The following MAN1A1 variants were observed in gnomAD, a reference collection of about 807,000 sequenced individuals.
MAN1A1 encodes mannosidase alpha class 1A member 1, also known as mannosyl-oligosaccharide 1,2-alpha-mannosidase IA.
MAN1A1 carries 29 observed loss-of-function variants against 70.8 expected under a neutral mutation model. The observed-to-expected ratio is 0.41, with a 90% CI of 0.31 to 0.56. The LOEUF (loss-of-function observed/expected upper bound fraction) is 0.56, where lower values mean the gene tolerates loss of function less well. Ranked by LOEUF, MAN1A1 falls within the 20% of genes least tolerant of loss-of-function variation. The probability of loss-of-function intolerance (pLI) is 0.29; values close to 1 mark genes in which losing one functional copy is unlikely to be tolerated. For missense variants in MAN1A1, 747 were observed against 841.3 expected (o/e 0.89, Z 1.39); for synonymous variants, 349 against 330.1 (o/e 1.06, Z -0.62).
intron 5 of MAN1A1, among the ~76,000 whole-genome samples, chr6:119,269,916 C>T (rs1263435687): frequency 6.6e-6 from 1 of 152,228 alleles, no homozygotes; most frequent in Non-Finnish European, 1.5e-5. Flanking sequence ...CTGCCTCAGC[C>T]TCTCAAGTAG....
At chr6:119,331,244 T>G (rs1441904033) in intron 2 of MAN1A1, among the ~76,000 whole-genome samples, 1 of 152,214 alleles carries the variant, frequency 6.6e-6, no homozygotes, top group Non-Finnish European at 1.5e-5. Flanking sequence ...AACAATATAT[T>G]ATTTTGACTC....
chr6:119,207,881 C>T (rs763710856), intron 6 of MAN1A1, among the ~76,000 whole-genome samples: 11 of 152,124 alleles, frequency 7.2e-5, no homozygotes, highest in African/African-American at 2.2e-4. Context: ...GGGCCAAAAA[C>T]GAATTTTATC....
intron 7 of MAN1A1, among the ~76,000 whole-genome samples, chr6:119,202,272 T>A (rs1039553833): frequency 1.3e-5 from 2 of 152,206 alleles, no homozygotes; most frequent in Admixed American, 6.5e-5. Flanking sequence ...CTTTTTAAAC[T>A]TTTTGTTAAA....
At chr6:119,245,555 C>T (rs892349677) in intron 6 of MAN1A1, among the ~76,000 whole-genome samples, 1 of 152,092 alleles carries the variant, frequency 6.6e-6, no homozygotes, top group African/African-American at 2.4e-5. Context: ...ACAGCTGATT[C>T]AAGGAGTGTA....
intron 6 of MAN1A1, among the ~76,000 whole-genome samples, chr6:119,215,439 T>C (rs1443576435): frequency 3.9e-5 from 6 of 152,118 alleles, no homozygotes; most frequent in Admixed American, 3.9e-4. Context: ...ACTGGTAATG[T>C]GATAAGAAGA....
At chr6:119,263,875 T>C (rs980819) in intron 5 of MAN1A1, among the ~76,000 whole-genome samples, 2 of 152,236 alleles carry the variant, frequency 1.3e-5, no homozygotes, top group Non-Finnish European at 1.5e-5. Flanking sequence ...AAACCTCGAA[T>C]AGTTTAACAC....
chr6:119,251,273 CG>C (rs1473707121), intron 5 of MAN1A1, among the ~76,000 whole-genome samples: 1 of 152,122 alleles, frequency 6.6e-6, no homozygotes, highest in South Asian at 2.1e-4. Context: ...TGTCTAACAT[CG>C]GGTCAAATCT....
At chr6:119,341,266 C>T (rs929941691) in intron 2 of MAN1A1, among the ~76,000 whole-genome samples, 4 of 152,122 alleles carry the variant, frequency 2.6e-5, no homozygotes, top group Non-Finnish European at 4.4e-5. Flanking sequence ...CTTTCTTAGG[C>T]AATCCCCTAC....
rs900315290 is a variant in MAN1A1 at position 119,189,900 on chromosome 6, T to C, written c.1327-17A>G. The C allele has an allele frequency of 5.7e-6, 9 of 1,576,228 alleles. No homozygotes were observed. The highest frequency in any genetic ancestry group is 7.8e-6 in the Non-Finnish European group (9 of 1,147,760). On this transcript the variant is annotated splice_polypyrimidine_tract_variant and intron_variant, in intron 9 of 12. Coordinates refer to ENST00000368468, the MANE Select transcript of MAN1A1 (RefSeq NM_005907.4). ...CTCGATAGCCTGTGAAAAACACTTATTTTTTAACATTTTGTAATCTCTTCT... is the reference window on the plus strand; with the variant it reads ...CTCGATAGCCTGTGAAAAACACTTACTTTTTAACATTTTGTAATCTCTTCT...
At chr6:119,261,466 G>A (rs141725346) in intron 5 of MAN1A1, among the ~76,000 whole-genome samples, 148 of 152,286 alleles carry the variant, frequency 9.7e-4, no homozygotes, top group Middle Eastern at 3.4e-3. Flanking sequence ...CTTGGGATAC[G>A]TAAGTAAACA....
At chr6:119,204,019 C>CA (rs1773789282) in intron 7 of MAN1A1, among the ~76,000 whole-genome samples, 1 of 151,858 alleles carries the variant, frequency 6.6e-6, no homozygotes, top group Admixed American at 6.5e-5. Flanking sequence ...GAGGAGGACA[C>CA]AAAAAAGACA....
chr6:119,316,514 C>T (rs1772859544), intron 2 of MAN1A1, among the ~76,000 whole-genome samples: 1 of 152,038 alleles, frequency 6.6e-6, no homozygotes, highest in South Asian at 2.1e-4. Context: ...CCTTAATATC[C>T]TAAGGAGAGC....
At chr6:119,301,050 G>A (rs1772376752) in intron 4 of MAN1A1, among the ~76,000 whole-genome samples, 2 of 152,218 alleles carry the variant, frequency 1.3e-5, no homozygotes, top group South Asian at 4.1e-4. Flanking sequence ...CAACAGCAGG[G>A]AAATTCTCTT....
At chr6:119,318,168 T>C (rs1772906286) in intron 2 of MAN1A1, among the ~76,000 whole-genome samples, 1 of 152,208 alleles carries the variant, frequency 6.6e-6, no homozygotes, top group African/African-American at 2.4e-5. Flanking sequence ...AATCCATAAT[T>C]GGTGTGTCCC....
Position 119,349,582 on chromosome 6 carries a change from A to G in MAN1A1, c.-263T>C. The G allele has an allele frequency of 1.0e-6, 1 of 985,890 alleles. No individual in the cohort carries two copies. The highest frequency in any genetic ancestry group is 1.2e-6 in the Non-Finnish European group (1 of 830,064). The allele number at this position is 985,890 out of a possible 1,614,324, so 61.1% of individuals were successfully genotyped here. ...GCGCAGCGTGGGCGGGAGACTCGTCAACTTCGCCCGCTCCCCATCTCCGCG... is the reference window on the plus strand; with the variant it reads ...GCGCAGCGTGGGCGGGAGACTCGTCGACTTCGCCCGCTCCCCATCTCCGCG... On this transcript the variant is annotated 5_prime_UTR_variant, in exon 1 of 13. The change abolishes the stop of an existing upstream ORF in the 5' untranslated region. Transcript: ENST00000368468.
chr6:119,259,884 T>C (rs918925093), intron 5 of MAN1A1, among the ~76,000 whole-genome samples: 1 of 152,210 alleles, frequency 6.6e-6, no homozygotes, highest in Non-Finnish European at 1.5e-5. Flanking sequence ...ATTCTCATTA[T>C]TGAAAAATCA....
chr6:119,189,097 T>A (rs896866615), intron 10 of MAN1A1, among the ~76,000 whole-genome samples: 3 of 152,066 alleles, frequency 2.0e-5, no homozygotes, highest in Non-Finnish European at 4.4e-5. Context: ...TTGAAAAGAG[T>A]CCATTTTAGA....
intron 6 of MAN1A1, among the ~76,000 whole-genome samples, chr6:119,216,944 A>T (rs1774222493): frequency 6.6e-6 from 1 of 152,220 alleles, no homozygotes; most frequent in African/African-American, 2.4e-5. Context: ...TAGGTTACTT[A>T]TTCAACATTT....
rs566360529 is a variant in MAN1A1, at chr6:119,252,575, C to T, written c.898-4221G>A. 8.5e-5 allele frequency among the ~76,000 whole-genome samples: 13 copies of T among 152,150 alleles called. No individual in the cohort carries two copies. In the South Asian group the frequency reaches 1.0e-3, roughly 12 times the overall value. On this transcript the variant is annotated intron_variant, in intron 5 of 12. Coordinates refer to ENST00000368468, the MANE Select transcript of MAN1A1 (RefSeq NM_005907.4). ...TTGGGAGGTGGAGGCGGGTGGATCACGAAGTCAAGAGATCGAGATTATCCT... is the reference window on the plus strand; with the variant it reads ...TTGGGAGGTGGAGGCGGGTGGATCATGAAGTCAAGAGATCGAGATTATCCT...
Sources: allele counts gnomAD v4.1 joint callset (sites outside exome capture counted in the v4.1 genomes callset), GRCh38; gene constraint gnomAD v4.1.1; transcripts MANE v1.5; gene names NCBI Gene and HGNC (gene_info 2026-07-23, HGNC 2026-07-21).